Variants in MYEF2 observed in about 807,000 individuals in gnomAD.
The protein encoded by MYEF2 is myelin expression factor 2.
MYEF2 carries 37 observed loss-of-function variants against 75.2 expected under a neutral mutation model. That is an observed-to-expected ratio of 0.49 (90% CI 0.38 to 0.65). The LOEUF is 0.65. Ranked by LOEUF, MYEF2 falls within the 30% of genes least tolerant of loss-of-function variation. The probability of loss-of-function intolerance (pLI) is 0.00; values close to 1 mark genes in which losing one functional copy is unlikely to be tolerated. For missense variants in MYEF2, 634 were observed against 771.4 expected, an observed-to-expected ratio of 0.82 and a Z score of 2.11; for synonymous variants, 195 against 241.6, an observed-to-expected ratio of 0.81 and a Z score of 1.79.
At chr15:48,152,344 A>G in intron 10 of MYEF2, 60 bp from the exon 11 acceptor site, 1 of 1,401,240 alleles carries the variant, frequency 7.1e-7, no homozygotes, top group Non-Finnish European at 1.0e-6. Flanking sequence ...CTAAAAGATG[A>G]TATAATGCAT....
rs1427625829 is a variant in MYEF2 at position 48,135,603 on chromosome 15, A to C, written c.*7305T>G. On this transcript the variant is annotated 3_prime_UTR_variant, in exon 17 of 17. Coordinates refer to ENST00000324324, the MANE Select transcript of MYEF2 (RefSeq NM_016132.5). ...TTCAACTAGTAAGCAGCAGGCACCTACTAGGTCCTTCTCACTATGCTAGAT... is the reference window on the plus strand; with the variant it reads ...TTCAACTAGTAAGCAGCAGGCACCTCCTAGGTCCTTCTCACTATGCTAGAT... 1 of 152,338 alleles carries C rather than the reference A, an allele frequency of 6.6e-6. No individual in the cohort carries two copies. The highest frequency in any genetic ancestry group is 1.5e-5 in the Non-Finnish European group (1 of 68,204). The allele number at this position is 152,338 out of a possible 1,614,324, so 9.4% of individuals were successfully genotyped here.
intron 5 of MYEF2, among the ~76,000 whole-genome samples, chr15:48,165,706 T>A (rs2040108510): frequency 6.6e-6 from 1 of 151,986 alleles, no homozygotes. Context: ...TTAAATTATG[T>A]GCTTTTATTT....
chr15:48,170,244 G>A (rs2040276733), intron 1 of MYEF2, among the ~76,000 whole-genome samples: 3 of 151,970 alleles, frequency 2.0e-5, no homozygotes. Flanking sequence ...TCCTTCCTCA[G>A]CCTCCCAAGT....
chr15:48,143,857 G>C (rs757445469), intron 16 of MYEF2, among the ~76,000 whole-genome samples: 1 of 151,976 alleles, frequency 6.6e-6, no homozygotes, highest in African/African-American at 2.4e-5. Context: ...AAAATAAAAA[G>C]TGGCCATAAG....
intron 5 of MYEF2, chr15:48,162,588 G>A (rs2039981089): frequency 6.6e-6 from 1 of 152,062 alleles, no homozygotes; most frequent in Non-Finnish European, 1.5e-5. Flanking sequence ...ACTGTGCTTT[G>A]CAGATATTGC....
Position 48,151,579 on chromosome 15 carries a change from A to T in MYEF2, c.1208-8T>A. ...TCGCACCACGGTACAGCTCTGAAAA[A>T]ATTGTGCAACAAATTAACCTTTTCA... On this transcript the variant is annotated splice_region_variant and splice_polypyrimidine_tract_variant and intron_variant, in intron 12 of 16. Coordinates refer to ENST00000324324, the MANE Select transcript of MYEF2 (RefSeq NM_016132.5). 1 of 1,597,308 alleles carries T rather than the reference A, an allele frequency of 6.3e-7. No individual in the cohort carries two copies. The highest frequency in any genetic ancestry group is 2.2e-5 in the East Asian group (1 of 44,810).
chr15:48,149,135 G>C lies in MYEF2; in HGVS notation c.1587+28C>G. 6.2e-7 allele frequency: 1 copy of C among 1,612,524 alleles called. No individual in the cohort carries two copies. The highest frequency in any genetic ancestry group is 1.1e-5 in the South Asian group (1 of 91,010). ...ATATATACAAGAAAAAAAAGAATTT[G>C]AATTATCCTTAATATTTATTTGCTT... On this transcript the variant is annotated intron_variant, in intron 15 of 16. Transcript: ENST00000324324. This position sits in a 1 kb window ranked among gnomAD's most constrained non-coding sequence, Gnocchi z 4.0.
At position 48,149,096 on chromosome 15, in the gene MYEF2, G is replaced by A. The variant is rs775791066; in HGVS notation, c.1588-13C>T. The A allele has an allele frequency of 6.2e-7, 1 of 1,613,018 alleles. No homozygotes were observed. Among genetic ancestry groups the A allele is most frequent in the South Asian group, 1.1e-5 (1 of 91,052 alleles). The stretch of plus-strand genomic sequence containing the variant: ...AGTCAAAAGGTAGCTAGAATGAAAA[G>A]AGGTATTAGTAACATATATACAAGA... On this transcript the variant is annotated splice_polypyrimidine_tract_variant and intron_variant, in intron 15 of 16. Coordinates refer to ENST00000324324, the MANE Select transcript of MYEF2 (RefSeq NM_016132.5). The surrounding 1 kb of genome is among the most constrained non-coding windows in gnomAD (Gnocchi z 4.0).
At chr15:48,174,300 A>G (rs1026784002) in intron 1 of MYEF2, among the ~76,000 whole-genome samples, 3 of 152,164 alleles carry the variant, frequency 2.0e-5, no homozygotes, top group African/African-American at 7.2e-5. Context: ...AAACAAAATG[A>G]AAATGGATTA....
intron 8 of MYEF2, 41 bp downstream of exon 8, chr15:48,158,134 T>TTGG: frequency 6.2e-7 from 1 of 1,612,016 alleles, no homozygotes; most frequent in East Asian, 2.2e-5. Context: ...CAATAAAAGA[T>TTGG]CTGAAGAGGT....
intron 1 of MYEF2, among the ~76,000 whole-genome samples, chr15:48,177,540 C>T (rs190119540): frequency 8.2e-4 from 125 of 152,174 alleles, no homozygotes; most frequent in African/African-American, 2.9e-3. Context: ...TATTAAACTT[C>T]CTCTCGGTAT....
intron 5 of MYEF2, among the ~76,000 whole-genome samples, chr15:48,163,427 G>A (rs369641341): frequency 6.6e-6 from 1 of 152,304 alleles, no homozygotes; most frequent in African/African-American, 2.4e-5. Context: ...AGAAAAGTTT[G>A]AAGCTGGTTC....
intron 6 of MYEF2, 107 bp from the exon 7 acceptor site, chr15:48,159,029 T>C (rs1451344459): frequency 1.1e-6 from 1 of 927,274 alleles, no homozygotes; most frequent in Non-Finnish European, 1.6e-6. Context: ...ACCATAATTC[T>C]AGTTCAACAA....
chr15:48,176,892 C>T (rs1293683965), intron 1 of MYEF2, among the ~76,000 whole-genome samples: 1 of 152,144 alleles, frequency 6.6e-6, no homozygotes, highest in African/African-American at 2.4e-5. Flanking sequence ...CTCTATTCTC[C>T]TAGAAGATGC....
At position 48,136,863 on chromosome 15, in the gene MYEF2, C is replaced by T. The variant is rs745430668; in HGVS notation, c.*6045G>A. The T allele has an allele frequency of 1.9e-6, 3 of 1,613,824 alleles. No individual in the cohort carries two copies. Among genetic ancestry groups the T allele is most frequent in the East Asian group, 2.2e-5 (1 of 44,880 alleles). On this transcript the variant is annotated 3_prime_UTR_variant, in exon 17 of 17. Coordinates refer to ENST00000324324, the MANE Select transcript of MYEF2 (RefSeq NM_016132.5). ...GCTGGGAAGATGAAGGTCAACCATT[C>T]ATTCGTCGGCAATCAAGAACTGATA... is the stretch of plus-strand genomic sequence containing the variant.
intron 9 of MYEF2, 98 bp downstream of exon 9, chr15:48,157,895 G>A (rs2039763836): frequency 6.5e-7 from 1 of 1,538,904 alleles, no homozygotes; most frequent in African/African-American, 1.4e-5. Context: ...CAAATTGTGA[G>A]AAACTAGGAT....
In MYEF2 at chr15:48,152,220, A is replaced by T; in HGVS notation, c.1138+14T>A. On this transcript the variant is annotated intron_variant, in intron 11 of 16. Coordinates refer to ENST00000324324, the MANE Select transcript of MYEF2 (RefSeq NM_016132.5). ...GTGATGGGTACATACAAAAAAACAAATCTTTATACATACCTCCTCCAATTC... is the reference window on the plus strand; with the variant it reads ...GTGATGGGTACATACAAAAAAACAATTCTTTATACATACCTCCTCCAATTC... The T allele has an allele frequency of 6.2e-7, 1 of 1,604,706 alleles. No homozygotes were observed. Among genetic ancestry groups the T allele is most frequent in the African/African-American group, 1.3e-5 (1 of 74,450 alleles).
intron 14 of MYEF2, among the ~76,000 whole-genome samples, chr15:48,150,577 T>C (rs1014389554): frequency 6.6e-6 from 1 of 151,944 alleles, no homozygotes; most frequent in Admixed American, 6.6e-5. Context: ...GATTCAGCAT[T>C]CCCCAGTGTT....
chr15:48,163,856 T>C (rs1013883416), intron 5 of MYEF2, among the ~76,000 whole-genome samples: 1 of 152,156 alleles, frequency 6.6e-6, no homozygotes, highest in Non-Finnish European at 1.5e-5. Context: ...TAAGGATAGT[T>C]TGCTGAATAT....
Sources: gnomAD v4.1 joint callset for allele counts (sites outside exome capture counted in the v4.1 genomes callset) on GRCh38, gnomAD v4.1.1 for gene constraint, Gnocchi (gnomAD v3.1) non-coding constraint, MANE v1.5 for transcripts, NCBI Gene and HGNC (gene_info 2026-07-23, HGNC 2026-07-21) for gene names.